Variants in TICAM1 observed in about 807,000 individuals in gnomAD.
TICAM1 encodes the protein TIR domain-containing adapter molecule 1.
For missense variants in TICAM1, 895 were observed against 938.2 expected, an observed-to-expected ratio of 0.95 and a Z score of 0.60; for synonymous variants, 439 against 415.4, an observed-to-expected ratio of 1.06 and a Z score of -0.69.
chr19:4,825,625 C>A (rs1056337462), intron 1 of TICAM1, among the ~76,000 whole-genome samples: 2 of 151,178 alleles, frequency 1.3e-5, no homozygotes, highest in Non-Finnish European at 2.9e-5. Context: ...CCCAAGAGTT[C>A]GAGACCAGCC....
rs2093588083 is a variant in TICAM1 at position 4,817,298 on chromosome 19, AGGG to A, written c.1077_1079del (p.Pro367del). The A allele has an allele frequency of 6.3e-7, 1 of 1,592,130 alleles. No individual in the cohort carries two copies. On this transcript the variant is annotated inframe_deletion, in exon 2 of 2. Coordinates refer to ENST00000248244, the MANE Select transcript of TICAM1 (RefSeq NM_182919.4). This position sits in a 1 kb window ranked among gnomAD's most constrained non-coding sequence, Gnocchi z 4.7. ...ATGAAGGAGGAGGAGGAGGAGGAGG[AGGG>A]GATGTTTCTGGGGTGGTGGGAGTAG...
Position 4,818,227 on chromosome 19 carries a change from G to C in TICAM1, c.151C>G (p.Leu51Val), listed in dbSNP as rs761078466. ...ATCCTGGCCTCAGTTTCCTGGCCCA[G>C]CTTCAGGAGAACCATGGCATGCAGG... ...DLLHAMVLLK[L>V]GQETEARISL... Residue 51 changes from leucine (L) to valine (V), a missense_variant, in exon 2 of 2, where the codon CTG becomes GTG. By Grantham distance (32) the Leu-to-Val change is conservative. Transcript: ENST00000248244. The surrounding 1 kb of genome is among the most constrained non-coding windows in gnomAD (Gnocchi z 4.0). 1.2e-6 allele frequency: 2 copies of C among 1,613,218 alleles called. No homozygotes were observed. Among genetic ancestry groups the C allele is most frequent in the Non-Finnish European group, 1.7e-6 (2 of 1,179,996 alleles).
intron 1 of TICAM1, among the ~76,000 whole-genome samples, chr19:4,819,533 T>C (rs1416746098): frequency 6.6e-6 from 1 of 152,130 alleles, no homozygotes; most frequent in Non-Finnish European, 1.5e-5. Context: ...CAGAGATACT[T>C]CTGAGCTTGA....
At chr19:4,823,426 C>G (rs777214214) in intron 1 of TICAM1, among the ~76,000 whole-genome samples, 1 of 146,050 alleles carries the variant, frequency 6.8e-6, no homozygotes, top group Middle Eastern at 3.7e-3. Context: ...GATAGCGCCA[C>G]TGCACTCCAG....
intron 1 of TICAM1, among the ~76,000 whole-genome samples, chr19:4,829,737 A>G (rs1267595824): frequency 6.6e-6 from 1 of 152,046 alleles, no homozygotes; most frequent in Non-Finnish European, 1.5e-5. Flanking sequence ...TAGTGTGACA[A>G]TAAATATTGG....
At position 4,818,020 on chromosome 19, in the gene TICAM1, C is replaced by T. The variant is rs762671258; in HGVS notation, c.358G>A (p.Glu120Lys). The T allele has an allele frequency of 6.2e-7, 1 of 1,611,260 alleles. No individual in the cohort carries two copies. Among genetic ancestry groups the T allele is most frequent in the South Asian group, 1.1e-5 (1 of 91,066 alleles). ...PASLRDVAYQ[E>K]AVRTLSSRDD... is the part of the protein sequence containing the mutation. ...CTGGAGCTGAGGGTGCGGACGGCTT[C>T]CTGGTAGGCCACGTCCCGCAGCGAG... The change falls in exon 2 of 2, where the codon GAA becomes AAA. Residue 120 changes from glutamate (E) to lysine (K), a missense_variant. Coordinates refer to ENST00000248244, the MANE Select transcript of TICAM1 (RefSeq NM_182919.4). This position sits in a 1 kb window ranked among gnomAD's most constrained non-coding sequence, Gnocchi z 4.0.
chr19:4,829,026 G>A (rs1482884841), intron 1 of TICAM1, among the ~76,000 whole-genome samples: 1 of 152,014 alleles, frequency 6.6e-6, no homozygotes, highest in Non-Finnish European at 1.5e-5. Context: ...GTAGAGACAG[G>A]GTTTCAGGCT....
chr19:4,818,039 C>T lies in TICAM1; in HGVS notation c.339G>A (p.Leu113=). The change falls in exon 2 of 2, where the codon CTG becomes CTA. Residue 113 remains leucine (L), a synonymous_variant. Transcript: ENST00000248244. The surrounding 1 kb of genome is among the most constrained non-coding windows in gnomAD (Gnocchi z 4.0). Reference sequence around the variant, plus strand: ...CGGCTTCCTGGTAGGCCACGTCCCGCAGCGAGGCGGGGCACAGCTTCTCCT... The same window carrying T: ...CGGCTTCCTGGTAGGCCACGTCCCGTAGCGAGGCGGGGCACAGCTTCTCCT... ...LAEEKLCPAS[L]RDVAYQEAVR... 1.9e-6 allele frequency: 3 copies of T among 1,609,258 alleles called. No homozygotes were observed. Among genetic ancestry groups the T allele is most frequent in the Non-Finnish European group, 2.5e-6 (3 of 1,179,916 alleles).
In TICAM1 at chr19:4,816,614, C is replaced by A; in HGVS notation, c.1764G>T (p.Gln588His). 1 of 1,614,010 alleles carries A rather than the reference C, an allele frequency of 6.2e-7. No homozygotes were observed. Among genetic ancestry groups the A allele is most frequent in the Non-Finnish European group, 8.5e-7 (1 of 1,180,040 alleles). ...ATGACATGTGGCTCCCAAAAGCCAC[C>A]TGGAGCTGCTCCATCTGTGCCTGGT... The part of the protein sequence containing the change: ...LSYQAQMEQL[Q>H]VAFGSHMSFG... Residue 588 changes from glutamine (Q) to histidine (H), a missense_variant, in exon 2 of 2, where the codon CAG becomes CAT. Transcript: ENST00000248244. The surrounding 1 kb of genome is among the most constrained non-coding windows in gnomAD (Gnocchi z 4.3).
chr19:4,817,945 C>A lies in TICAM1; in HGVS notation c.433G>T (p.Gly145Trp). ...ELQDEARNRC[G>W]WDIAGDPGSI... ...CCTGGATCCCCAGCAATGTCCCACC[C>A]ACACCGGTTTCGGGCCTCATCCTGA... Residue 145 changes from glycine (G) to tryptophan (W), a missense_variant, in exon 2 of 2, where the codon GGG becomes TGG. Physicochemically the swap from Gly to Trp is radical, Grantham distance 184 (BLOSUM62 -2). Transcript: ENST00000248244. The surrounding 1 kb of genome is among the most constrained non-coding windows in gnomAD (Gnocchi z 4.7). 1 of 1,613,878 alleles carries A rather than the reference C, an allele frequency of 6.2e-7. No individual in the cohort carries two copies. Among genetic ancestry groups the A allele is most frequent in the East Asian group, 2.2e-5 (1 of 44,876 alleles).
At position 4,817,908 on chromosome 19, in the gene TICAM1, G is replaced by A. The variant is rs770166865; in HGVS notation, c.470C>T (p.Thr157Met). The A allele has an allele frequency of 9.3e-5, 150 of 1,613,792 alleles. 1 individual carries two copies. Among genetic ancestry groups the A allele is most frequent in the Middle Eastern group, 3.3e-4 (2 of 6,084 alleles). Residue 157 changes from threonine (T) to methionine (M), a missense_variant, in exon 2 of 2, where the codon ACG becomes ATG. By Grantham distance (81) the Thr-to-Met change is moderately conservative (BLOSUM62 -1). Transcript: ENST00000248244. This position sits in a 1 kb window ranked among gnomAD's most constrained non-coding sequence, Gnocchi z 4.7. ...GAGGCAGCCCAGATTGGACTGGAGC[G>A]TCCGGATGCTCCCTGGATCCCCAGC... is the stretch of plus-strand genomic sequence containing the variant. ...DIAGDPGSIRTLQSNLGCLPP... is the reference protein window; with the variant it reads ...DIAGDPGSIRMLQSNLGCLPP...
At chr19:4,822,202 T>C (rs1310984966) in intron 1 of TICAM1, among the ~76,000 whole-genome samples, 1 of 152,064 alleles carries the variant, frequency 6.6e-6, no homozygotes, top group Non-Finnish European at 1.5e-5. Flanking sequence ...CCCAAAGTGC[T>C]GGGATTACAA....
rs1272431262 is a variant in TICAM1, at chr19:4,816,568, C to G, written c.1810G>C (p.Gly604Arg). Residue 604 changes from glycine to arginine, a missense_variant, in exon 2 of 2, where the codon GGG becomes CGG. Physicochemically the swap from Gly to Arg is moderately radical, Grantham distance 125. Coordinates refer to ENST00000248244, the MANE Select transcript of TICAM1 (RefSeq NM_182919.4). This position sits in a 1 kb window ranked among gnomAD's most constrained non-coding sequence, Gnocchi z 4.3. Reference sequence around the variant, plus strand: ...TGGCCCCCAAAGGGCATTCGAGCCCCATAGGGCGCCCCAGTCCCAAATGAC... The same window carrying G: ...TGGCCCCCAAAGGGCATTCGAGCCCGATAGGGCGCCCCAGTCCCAAATGAC... ...HMSFGTGAPY[G>R]ARMPFGGQVP... The G allele has an allele frequency of 6.2e-7, 1 of 1,612,686 alleles. No individual in the cohort carries two copies. Among genetic ancestry groups the G allele is most frequent in the East Asian group, 2.2e-5 (1 of 44,892 alleles).
rs1426255533 is a variant in TICAM1, at chr19:4,818,527, CAGG to C, written c.-139-14_-139-12del. The C allele has an allele frequency of 9.2e-6, 13 of 1,407,686 alleles. No individual in the cohort carries two copies. Among genetic ancestry groups the C allele is most frequent in the South Asian group, 3.4e-5 (2 of 59,178 alleles). The allele number at this position is 1,407,686 out of a possible 1,614,324, so 87.2% of individuals were successfully genotyped here. On this transcript the variant is annotated splice_polypyrimidine_tract_variant and intron_variant, in intron 1 of 1. Coordinates refer to ENST00000248244, the MANE Select transcript of TICAM1 (RefSeq NM_182919.4). This position sits in a 1 kb window ranked among gnomAD's most constrained non-coding sequence, Gnocchi z 4.0. ...GCTGCCCAAGCAGATCTGTAGGAAACAGGAGAAGCAAACACACTTACCCCCAAG... is the reference window on the plus strand; with the variant it reads ...GCTGCCCAAGCAGATCTGTAGGAAACAGAAGCAAACACACTTACCCCCAAG...
In TICAM1 at chr19:4,818,141, G is replaced by A. The variant is rs370301428; in HGVS notation, c.237C>T (p.Gly79=). The A allele has an allele frequency of 2.1e-5, 33 of 1,609,558 alleles. No individual in the cohort carries two copies. The highest frequency in any genetic ancestry group is 1.6e-4 in the Middle Eastern group (1 of 6,078). ...CCTCTGGGTCCTCGGTGCTGTCCACGCCAGCCCACTGGCGGGCCACCAGCC... is the reference window on the plus strand; with the variant it reads ...CCTCTGGGTCCTCGGTGCTGTCCACACCAGCCCACTGGCGGGCCACCAGCC... The part of the protein sequence containing the change: ...VARLVARQWA[G]VDSTEDPEEP... Residue 79 remains glycine, a synonymous_variant, in exon 2 of 2, where the codon GGC becomes GGT. Transcript: ENST00000248244. This position sits in a 1 kb window ranked among gnomAD's most constrained non-coding sequence, Gnocchi z 4.0.
intron 1 of TICAM1, among the ~76,000 whole-genome samples, chr19:4,829,055 G>A (rs1022639652): frequency 8.6e-5 from 13 of 151,830 alleles, no homozygotes; most frequent in Admixed American, 1.3e-4. Flanking sequence ...GGCTGGTCTC[G>A]AACTCCTGAC....
Position 4,816,424 on chromosome 19 carries a change from G to A in TICAM1, c.1954C>T (p.Pro652Ser). ...PPPSPQPAAF[P>S]QSLPFPQSPA... ...GACTGCGGGAAGGGCAGTGACTGTG[G>A]AAAGGCTGCTGGCTGTGGGGAGGGC... The change falls in exon 2 of 2, where the codon CCA (proline) becomes TCA (serine). Residue 652 changes from proline to serine, a missense_variant. Transcript: ENST00000248244. The surrounding 1 kb of genome is among the most constrained non-coding windows in gnomAD (Gnocchi z 4.3). 6 of 1,557,880 alleles carry A rather than the reference G, an allele frequency of 3.9e-6. No individual in the cohort carries two copies. The highest frequency in any genetic ancestry group is 5.2e-6 in the Non-Finnish European group (6 of 1,153,720).
In TICAM1 at chr19:4,818,768, G is replaced by A. The variant is rs753865174; in HGVS notation, c.-139-252C>T. Among the ~76,000 whole-genome samples the A allele has an allele frequency of 6.6e-6, 1 of 152,092 alleles. No individual in the cohort carries two copies. Among genetic ancestry groups the A allele is most frequent in the African/African-American group, 2.4e-5 (1 of 41,406 alleles). On this transcript the variant is annotated intron_variant, in intron 1 of 1. Coordinates refer to ENST00000248244, the MANE Select transcript of TICAM1 (RefSeq NM_182919.4). The surrounding 1 kb of genome is among the most constrained non-coding windows in gnomAD (Gnocchi z 4.0). ...GAGGATCACTTAAGCCCAGGACTTCGAGACCAGCCTGGGCAACACAGCCAG... is the reference window on the plus strand; with the variant it reads ...GAGGATCACTTAAGCCCAGGACTTCAAGACCAGCCTGGGCAACACAGCCAG...
chr19:4,825,007 C>T (rs758854346), intron 1 of TICAM1, among the ~76,000 whole-genome samples: 17 of 151,714 alleles, frequency 1.1e-4, no homozygotes, highest in East Asian at 3.9e-4. Flanking sequence ...GGGTCGGGAG[C>T]GGTGGCTCAC....
Sources: gnomAD v4.1 joint callset for allele counts (sites outside exome capture counted in the v4.1 genomes callset) on GRCh38, gnomAD v4.1.1 for gene constraint, Gnocchi (gnomAD v3.1) non-coding constraint, MANE v1.5 for transcripts, NCBI Gene and HGNC (gene_info 2026-07-23, HGNC 2026-07-21) for gene names.